Variants in CEP350 observed in about 807,000 individuals in gnomAD.
CEP350 encodes centrosomal protein 350, also known as centrosome-associated protein 350.
Under a neutral mutation model 331.8 loss-of-function variants are expected in CEP350, and 126 were observed. The ratio of observed to expected loss-of-function variants is 0.38; its 90% CI spans 0.33 to 0.44. CEP350 has a LOEUF of 0.44. Among genes scored for constraint, CEP350 ranks in the 20% least tolerant of loss-of-function variants. CEP350 has a pLI of 1.00. For synonymous variants in CEP350, 1,200 were observed against 1,259.5 expected, an observed-to-expected ratio of 0.95 and a Z score of 1.00; for missense variants, 3,406 against 3,634.6, an observed-to-expected ratio of 0.94 and a Z score of 1.62.
At chr1:180,034,292 G>T (rs1656206052) in intron 16 of CEP350, among the ~76,000 whole-genome samples, 1 of 152,106 alleles carries the variant, frequency 6.6e-6, no homozygotes, top group East Asian at 1.9e-4. Flanking sequence ...TTGTCAGCCA[G>T]CATTAGTCAA....
intron 31 of CEP350, 80 bp from the exon 32 acceptor site, chr1:180,087,498 C>A: frequency 7.8e-7 from 1 of 1,278,310 alleles, no homozygotes; most frequent in Non-Finnish European, 1.1e-6. Flanking sequence ...GAGCATTTTA[C>A]CTTAAAATAT....
chr1:180,073,831 T>C, intron 27 of CEP350: 1 of 1,304,478 alleles, frequency 7.7e-7, no homozygotes, highest in Non-Finnish European at 1.0e-6. Context: ...TTACGTCTCA[T>C]CACTGGGCCT....
intron 6 of CEP350, among the ~76,000 whole-genome samples, chr1:179,999,979 A>G (rs1653754127): frequency 6.6e-6 from 1 of 152,206 alleles, no homozygotes; most frequent in African/African-American, 2.4e-5. Context: ...ATAAATGCCC[A>G]TGAAGATAAA....
intron 11 of CEP350, among the ~76,000 whole-genome samples, chr1:180,018,119 C>T (rs533864116): frequency 6.6e-6 from 1 of 152,206 alleles, no homozygotes; most frequent in Non-Finnish European, 1.5e-5. Context: ...GATCCTCCCA[C>T]CTCAGCCTCC....
Position 180,084,033 on chromosome 1 carries a change from A to G in CEP350, c.6140A>G (p.Gln2047Arg). Residue 2047 changes from glutamine (Q) to arginine (R), a missense_variant, in exon 31 of 38, where the codon CAG (glutamine) becomes CGG (arginine). Gln to Arg is a conservative substitution (Grantham distance 43). Around this residue, in one of 5 missense-constraint regions of CEP350, gnomAD observed 1,415 missense variants for 1,512.3 expected, o/e 0.94. Transcript: ENST00000367607. The stretch of plus-strand genomic sequence containing the variant: ...TCTCTTTCAGAAACTACATCTGACC[A>G]GAGTGATATTGAAGGTAGGATCAGA... ...SMTQSETTSD[Q>R]SDIEGRIRAL... 6.4e-7 allele frequency: 1 copy of G among 1,571,352 alleles called. No individual in the cohort carries two copies. Among genetic ancestry groups the G allele is most frequent in the Non-Finnish European group, 8.7e-7 (1 of 1,155,696 alleles).
At chr1:180,103,473 C>G (rs1660944981) in intron 37 of CEP350, among the ~76,000 whole-genome samples, 1 of 152,020 alleles carries the variant, frequency 6.6e-6, no homozygotes, top group African/African-American at 2.4e-5. Flanking sequence ...TAAGTAATTT[C>G]TTTTTTAACT....
chr1:180,015,781 A>T, intron 10 of CEP350, 68 bp from the exon 11 acceptor site: 1 of 1,527,034 alleles, frequency 6.5e-7, no homozygotes. Flanking sequence ...CTTAATGTTT[A>T]ACTTAGGTGC....
At chr1:179,986,329 G>GA in intron 2 of CEP350, 75 bp downstream of exon 2, 3 of 923,530 alleles carry the variant, frequency 3.2e-6, no homozygotes, top group Non-Finnish European at 5.0e-6. Flanking sequence ...TCTAATAAAT[G>GA]AAAATTATAC....
At chr1:180,092,550 G>A in intron 33 of CEP350, 64 bp from the exon 34 acceptor site, 1 of 1,282,450 alleles carries the variant, frequency 7.8e-7, no homozygotes, top group Non-Finnish European at 1.0e-6. Context: ...TCTAAACTTT[G>A]GTTCACAAAA....
chr1:179,968,839 A>G (rs1288034607), intron 1 of CEP350: 6 of 716,348 alleles, frequency 8.4e-6, no homozygotes, highest in Non-Finnish European at 1.5e-5. Context: ...AGCTCGTGCC[A>G]TTGTTACCTT....
At chr1:179,979,899 A>AT (rs2148640900) in intron 1 of CEP350, among the ~76,000 whole-genome samples, 1 of 151,982 alleles carries the variant, frequency 6.6e-6, no homozygotes, top group Admixed American at 6.6e-5. Context: ...TATATGTCTG[A>AT]TTTTATGGCA....
At chr1:180,015,210 G>GTTTATTTATTTATTTA (rs112553202) in intron 10 of CEP350, among the ~76,000 whole-genome samples, 3 of 143,480 alleles carry the variant, frequency 2.1e-5, no homozygotes, top group Admixed American at 7.0e-5. Flanking sequence ...CTAGGAAATT[G>GTTTATTTATTTATTTA]TTTATTTATT....
chr1:180,010,468 A>G lies in CEP350; in HGVS notation c.1247-1461A>G, dbSNP rs1654562612. ...ATATTTCAGCAAGTAATGTGTAGGC[A>G]GAATGATTTTATTATAATTTTACCA... On this transcript the variant is annotated intron_variant, in intron 8 of 37. Coordinates refer to ENST00000367607, the MANE Select transcript of CEP350 (RefSeq NM_014810.5). Among the ~76,000 whole-genome samples, 4 of 150,772 alleles carry G rather than the reference A, an allele frequency of 2.7e-5. No homozygotes were observed. The South Asian group carries it at 8.4e-4, about 31-fold the overall frequency.
At chr1:179,968,906 T>C in intron 1 of CEP350, 2 of 755,948 alleles carry the variant, frequency 2.6e-6, no homozygotes, top group Non-Finnish European at 4.8e-6. Context: ...CAGAAGGCTG[T>C]GTTGAAGTTT....
chr1:180,035,347 C>T (rs1338312618), intron 16 of CEP350, among the ~76,000 whole-genome samples: 2 of 152,240 alleles, frequency 1.3e-5, no homozygotes, highest in Non-Finnish European at 2.9e-5. Context: ...CTACACTAAA[C>T]AGATTTCCAA....
chr1:180,075,574 A>C (rs182184064), intron 28 of CEP350, among the ~76,000 whole-genome samples: 1 of 152,276 alleles, frequency 6.6e-6, no homozygotes, highest in East Asian at 1.9e-4. Context: ...TGTCTCTAAA[A>C]ATAAAATAAA....
Position 179,970,135 on chromosome 1 carries a change from CGAAGTTTAG to C in CEP350, c.-14+14994_-14+15002del, listed in dbSNP as rs1651331773. ...TAAAAAACTATGGGTGTCTTGTTTA[CGAAGTTTAG>C]CTCTTTATTTCATCAGTGTGGGACA... On this transcript the variant is annotated intron_variant, in intron 1 of 37. Transcript: ENST00000367607. Among the ~76,000 whole-genome samples the C allele has an allele frequency of 2.0e-5, 3 of 152,236 alleles. No individual in the cohort carries two copies. In the South Asian group the frequency reaches 6.2e-4, roughly 32 times the overall value.
intron 1 of CEP350, among the ~76,000 whole-genome samples, chr1:179,959,886 G>A (rs1033811889): frequency 1.4e-5 from 2 of 144,488 alleles, no homozygotes; most frequent in East Asian, 2.0e-4. Context: ...AAGTAAACCC[G>A]TAGGCTAGAT....
At position 180,006,559 on chromosome 1, in the gene CEP350, G is replaced by A. The variant is rs746490380; in HGVS notation, c.1238G>A (p.Cys413Tyr). The A allele has an allele frequency of 7.3e-5, 109 of 1,486,826 alleles. No individual in the cohort carries two copies. The Admixed American group carries it at 2.1e-3, about 29-fold the overall frequency. 92.1% of individuals were successfully genotyped at this position (1,486,826 alleles called of 1,614,324 possible). The change falls in exon 8 of 38, where the codon TGC becomes TAC. Residue 413 changes from cysteine to tyrosine, a missense_variant. Coordinates refer to ENST00000367607, the MANE Select transcript of CEP350 (RefSeq NM_014810.5). ...GTAGCACAGTTATCAAGTACAGAAT[G>A]CAGAACAGGTTAGTTTTCTCAACAT... ...QKVAQLSSTE[C>Y]RTGSSHLIST...
Sources: allele counts gnomAD v4.1 joint callset (sites outside exome capture counted in the v4.1 genomes callset), GRCh38; gene constraint gnomAD v4.1.1; regional missense constraint gnomAD v4.1.1; transcripts MANE v1.5; gene names NCBI Gene and HGNC (gene_info 2026-07-23, HGNC 2026-07-21).